Variants in PRDM10 observed in about 807,000 individuals in gnomAD.
PRDM10 encodes PR/SET domain 10.
Under a neutral mutation model 133.1 loss-of-function variants are expected in PRDM10, and 65 were observed. The ratio of observed to expected loss-of-function variants is 0.49; its 90% CI spans 0.40 to 0.60. PRDM10 has a LOEUF of 0.60. PRDM10 is among the 20% of genes least tolerant of loss of function. PRDM10 has a pLI of 0.00. For synonymous variants in PRDM10, 582 were observed against 580.4 expected (o/e 1.00, Z -0.04); for missense variants, 1,137 against 1,507.1 (o/e 0.75, Z 4.07).
chr11:129,999,787 ATAT>A (rs1343440540), intron 1 of PRDM10, among the ~76,000 whole-genome samples: 4 of 152,238 alleles, frequency 2.6e-5, no homozygotes, highest in African/African-American at 9.6e-5. Flanking sequence ...AGAAATCAAA[ATAT>A]TATAATTCTT....
chr11:129,979,465 C>T (rs1426645597), intron 1 of PRDM10, among the ~76,000 whole-genome samples: 9 of 152,156 alleles, frequency 5.9e-5, no homozygotes, highest in Admixed American at 5.9e-4. Context: ...GTCTTTCTGA[C>T]TGTAAGACTC....
chr11:129,910,273 G>A (rs1009398554), intron 19 of PRDM10, among the ~76,000 whole-genome samples: 1 of 152,156 alleles, frequency 6.6e-6, no homozygotes, highest in African/African-American at 2.4e-5. Context: ...CTGACGTTTC[G>A]AAAATGTCCT....
rs150064746 is a variant in PRDM10 at position 129,962,001 on chromosome 11, A to T, written c.-118-919T>A. ...CTTTACTCAAAATGAACAGCAGAAT[A>T]ATAAGTCTCAAGATGAGAGGAAGGC... On this transcript the variant is annotated intron_variant, in intron 1 of 20. Transcript: ENST00000360871. Among the ~76,000 whole-genome samples, 112 of 152,282 alleles carry T rather than the reference A, an allele frequency of 7.4e-4. 2 individuals carry two copies. The Middle Eastern group carries it at 0.034, about 46-fold the overall frequency.
At position 129,949,911 on chromosome 11, in the gene PRDM10, G is replaced by T. The variant is rs111922737; in HGVS notation, c.295-2541C>A. ...ATCACGCCATTGCACTCCAGCCTGG[G>T]TGACAAGAGCGAAACTCCACCCCCC... On this transcript the variant is annotated intron_variant, in intron 4 of 20. Coordinates refer to ENST00000360871, the MANE Select transcript of PRDM10 (RefSeq NM_199437.2). Among the ~76,000 whole-genome samples the T allele has an allele frequency of 9.3e-3, 1,408 of 150,964 alleles. 25 individuals are homozygous for T. Among genetic ancestry groups the T allele is most frequent in the African/African-American group, 0.032 (1,328 of 41,000 alleles).
In PRDM10 at chr11:129,955,573, TA is replaced by T; in HGVS notation, c.235-3del. ...CTGGCCGGGGTCTGTAAACAGAGTCTAAACAAACAAACGAACAAAAAATTAT... is the reference window on the plus strand; with the variant it reads ...CTGGCCGGGGTCTGTAAACAGAGTCTAACAAACAAACGAACAAAAAATTAT... On this transcript the variant is annotated splice_region_variant and splice_polypyrimidine_tract_variant and intron_variant, in intron 3 of 20. Transcript: ENST00000360871. The T allele has an allele frequency of 6.2e-7, 1 of 1,613,916 alleles. No individual in the cohort carries two copies. The highest frequency in any genetic ancestry group is 2.2e-5 in the East Asian group (1 of 44,874).
intron 5 of PRDM10, among the ~76,000 whole-genome samples, chr11:129,946,279 CAAAA>C (rs971914303): frequency 2.0e-5 from 3 of 151,504 alleles, no homozygotes; most frequent in Admixed American, 6.6e-5. Context: ...CAAAAACAAA[CAAAA>C]AGAAAAGAAA....
chr11:129,987,739 G>A lies in PRDM10; in HGVS notation c.-119+14983C>T, dbSNP rs139570427. ...GAAGACGCCGGGTGTGGTGGCTCAC[G>A]CCTGTAATCCCAGCCCTTTGGGAGG... On this transcript the variant is annotated intron_variant, in intron 1 of 20. Transcript: ENST00000360871. Among the ~76,000 whole-genome samples, 343 of 152,286 alleles carry A rather than the reference G, an allele frequency of 2.3e-3. 1 individual carries two copies. Among genetic ancestry groups the A allele is most frequent in the African/African-American group, 8.0e-3 (332 of 41,538 alleles).
At chr11:129,988,349 A>T in intron 1 of PRDM10, among the ~76,000 whole-genome samples, 1 of 152,140 alleles carries the variant, frequency 6.6e-6, no homozygotes, top group Middle Eastern at 3.2e-3. Flanking sequence ...TGTACATTTT[A>T]TTTTTAAATT....
At chr11:129,904,594 G>C (rs1478235006) in intron 20 of PRDM10, among the ~76,000 whole-genome samples, 1 of 152,156 alleles carries the variant, frequency 6.6e-6, no homozygotes, top group Non-Finnish European at 1.5e-5. Flanking sequence ...CCGCCTCCCA[G>C]GTTCAAGCAA....
intron 8 of PRDM10, among the ~76,000 whole-genome samples, chr11:129,936,160 T>C (rs1195744228): frequency 6.6e-6 from 1 of 152,152 alleles, no homozygotes; most frequent in Non-Finnish European, 1.5e-5. Context: ...TGAGCTTCTA[T>C]GGTTGGGAAT....
intron 4 of PRDM10, among the ~76,000 whole-genome samples, chr11:129,951,578 C>T (rs1951583298): frequency 6.6e-6 from 1 of 152,186 alleles, no homozygotes; most frequent in African/African-American, 2.4e-5. Context: ...ATACTTTCTC[C>T]TTCCCACTTA....
At chr11:129,993,884 T>C (rs1159263521) in intron 1 of PRDM10, among the ~76,000 whole-genome samples, 1 of 152,194 alleles carries the variant, frequency 6.6e-6, no homozygotes, top group African/African-American at 2.4e-5. Context: ...CCTTGGCAAA[T>C]GTTTTAGAAT....
chr11:129,969,620 C>T (rs1951975246), intron 1 of PRDM10, among the ~76,000 whole-genome samples: 1 of 150,346 alleles, frequency 6.7e-6, no homozygotes. Context: ...ATAGTGAAAC[C>T]CCATCTCTAC....
chr11:129,979,197 A>G (rs1352889131), intron 1 of PRDM10, among the ~76,000 whole-genome samples: 1 of 152,186 alleles, frequency 6.6e-6, no homozygotes, highest in Non-Finnish European at 1.5e-5. Flanking sequence ...TATCCTCACA[A>G]GATAGTAGGT....
At chr11:129,941,446 A>T (rs1411463603) in intron 7 of PRDM10, among the ~76,000 whole-genome samples, 1 of 152,256 alleles carries the variant, frequency 6.6e-6, no homozygotes, top group Non-Finnish European at 1.5e-5. Context: ...TGAGTAAAAC[A>T]TTCATACAAA....
chr11:129,931,516 C>A (rs1950856545), intron 10 of PRDM10, among the ~76,000 whole-genome samples: 1 of 151,950 alleles, frequency 6.6e-6, no homozygotes, highest in Admixed American at 6.6e-5. Flanking sequence ...TAAACAAAGT[C>A]CACCTCTACT....
chr11:129,982,221 T>C (rs922532066), intron 1 of PRDM10, among the ~76,000 whole-genome samples: 2 of 151,928 alleles, frequency 1.3e-5, no homozygotes, highest in South Asian at 4.2e-4. Context: ...ATGGTACCAC[T>C]GCACTCTCCC....
chr11:129,974,599 G>A (rs568301042), intron 1 of PRDM10, among the ~76,000 whole-genome samples: 1 of 152,340 alleles, frequency 6.6e-6, no homozygotes, highest in South Asian at 2.1e-4. Flanking sequence ...CAGTGGAAGA[G>A]TCTAAAAGAT....
In PRDM10 at chr11:129,905,138, C is replaced by T. The variant is rs572609841; in HGVS notation, c.3267+500G>A. On this transcript the variant is annotated intron_variant, in intron 20 of 20. Transcript: ENST00000360871. The stretch of plus-strand genomic sequence containing the variant: ...CAGCACTTTGGGAGGTTAAGGTGGG[C>T]GGATCATGAGGTCAGGAGATCAAGA... 1.3e-4 allele frequency among the ~76,000 whole-genome samples: 19 copies of T among 151,902 alleles called. 1 individual carries two copies. The highest frequency in any genetic ancestry group is 4.2e-4 in the South Asian group (2 of 4,812).
Sources: gnomAD v4.1 joint callset for allele counts (sites outside exome capture counted in the v4.1 genomes callset) on GRCh38, gnomAD v4.1.1 for gene constraint, MANE v1.5 for transcripts, NCBI Gene and HGNC (gene_info 2026-07-23, HGNC 2026-07-21) for gene names.